The following RGL1 variants were observed in gnomAD, a reference collection of about 807,000 sequenced individuals.
RGL1 encodes ral guanine nucleotide dissociation stimulator-like 1.
In RGL1, 24 loss-of-function variants were observed where a neutral mutation model predicts 95.2. That is an observed-to-expected ratio of 0.25 (90% CI 0.18 to 0.35). The LOEUF (loss-of-function observed/expected upper bound fraction) is 0.35, where lower values mean the gene tolerates loss of function less well. Ranked by LOEUF, RGL1 falls within the 10% of genes least tolerant of loss-of-function variation. The probability of loss-of-function intolerance (pLI) is 1.00; values close to 1 mark genes in which losing one functional copy is unlikely to be tolerated. For missense variants in RGL1, 715 were observed against 936.3 expected, an observed-to-expected ratio of 0.76 and a Z score of 3.08; for synonymous variants, 329 against 344.9, an observed-to-expected ratio of 0.95 and a Z score of 0.51.
chr1:183,877,763 G>A (rs762754145), intron 4 of RGL1, among the ~76,000 whole-genome samples: 2 of 152,188 alleles, frequency 1.3e-5, no homozygotes, highest in Non-Finnish European at 2.9e-5. Context: ...GAAGGTCACT[G>A]TCACAAAGAG....
In RGL1 at chr1:183,829,544, A is replaced by G. The variant is rs1464951771; in HGVS notation, c.139-18022A>G. 3.3e-5 allele frequency among the ~76,000 whole-genome samples: 5 copies of G among 151,434 alleles called. No homozygotes were observed. The East Asian group carries it at 7.7e-4, about 23-fold the overall frequency. On this transcript the variant is annotated intron_variant, in intron 2 of 17. Transcript: ENST00000360851. Reference sequence around the variant, plus strand: ...TCTAAGTGAATCTTTTCTTTTTTTCATACAGTTCATTCTTCATGTAAACTC... The same window carrying G: ...TCTAAGTGAATCTTTTCTTTTTTTCGTACAGTTCATTCTTCATGTAAACTC...
chr1:183,913,894 A>C (rs1668809054), intron 15 of RGL1, among the ~76,000 whole-genome samples: 1 of 152,208 alleles, frequency 6.6e-6, no homozygotes, highest in African/African-American at 2.4e-5. Context: ...AATCCAGGGG[A>C]TACAATCATT....
intron 3 of RGL1, among the ~76,000 whole-genome samples, chr1:183,858,154 A>G (rs1192154781): frequency 2.6e-5 from 4 of 152,168 alleles, no homozygotes; most frequent in African/African-American, 9.7e-5. Flanking sequence ...AAAACTGACA[A>G]GAAACTGAAA....
chr1:183,722,306 A>T (rs1656056534), intron 1 of RGL1, among the ~76,000 whole-genome samples: 1 of 152,090 alleles, frequency 6.6e-6, no homozygotes, highest in African/African-American at 2.4e-5. Flanking sequence ...ACACAGAGAT[A>T]AAAAAGACCA....
chr1:183,892,135 T>C lies in RGL1; in HGVS notation c.1114T>C (p.Leu372=), dbSNP rs747876659. Reference sequence around the variant, plus strand: ...TATCTTCTCAGACCATAATAACCATTTGACCAGCCGAGAACTACTGATGAA... The same window carrying C: ...TATCTTCTCAGACCATAATAACCATCTGACCAGCCGAGAACTACTGATGAA... ...SDIFSDHNNH[L]TSRELLMKEG... is the part of the protein sequence containing the mutation. The change falls in exon 9 of 18, where the codon TTG becomes CTG. Residue 372 remains leucine, a synonymous_variant. Transcript: ENST00000360851. The C allele has an allele frequency of 5.6e-6, 9 of 1,612,646 alleles. No homozygotes were observed. In the South Asian group the frequency reaches 9.9e-5, roughly 18 times the overall value.
intron 2 of RGL1, among the ~76,000 whole-genome samples, chr1:183,774,406 T>G (rs1659475956): frequency 1.3e-5 from 2 of 152,168 alleles, no homozygotes; most frequent in African/African-American, 4.8e-5. Context: ...CGTTATAAAA[T>G]CTTGTCACAC....
At chr1:183,782,261 G>A (rs981064493) in intron 2 of RGL1, among the ~76,000 whole-genome samples, 2 of 152,130 alleles carry the variant, frequency 1.3e-5, no homozygotes, top group East Asian at 1.9e-4. Flanking sequence ...ACCCAGACAC[G>A]TGGTATTTTG....
intron 2 of RGL1, among the ~76,000 whole-genome samples, chr1:183,820,041 G>A (rs1488275375): frequency 2.6e-5 from 4 of 151,814 alleles, no homozygotes; most frequent in African/African-American, 4.8e-5. Context: ...CCCACCTTGG[G>A]CCCCTAAAGT....
intron 1 of RGL1, among the ~76,000 whole-genome samples, chr1:183,683,323 T>C (rs1442705910): frequency 6.6e-6 from 1 of 152,150 alleles, no homozygotes; most frequent in Non-Finnish European, 1.5e-5. Flanking sequence ...TTTCCATATT[T>C]AGTGCTTCCT....
chr1:183,769,233 C>CT (rs1315843220), intron 2 of RGL1, among the ~76,000 whole-genome samples: 1 of 152,202 alleles, frequency 6.6e-6, no homozygotes, highest in African/African-American at 2.4e-5. Context: ...GAAGACTCAG[C>CT]TATATTCATT....
intron 2 of RGL1, among the ~76,000 whole-genome samples, chr1:183,743,297 A>C (rs1486518045): frequency 6.6e-6 from 1 of 152,198 alleles, no homozygotes; most frequent in Non-Finnish European, 1.5e-5. Flanking sequence ...TACAGGTGTG[A>C]GTGACTGTGC....
chr1:183,701,152 T>G (rs931855383), intron 1 of RGL1, among the ~76,000 whole-genome samples: 2 of 152,228 alleles, frequency 1.3e-5, no homozygotes, highest in African/African-American at 4.8e-5. Flanking sequence ...AGATTTAGAT[T>G]GATCAATTGT....
chr1:183,800,024 G>C (rs1660903753), intron 2 of RGL1, among the ~76,000 whole-genome samples: 2 of 152,134 alleles, frequency 1.3e-5, no homozygotes, highest in South Asian at 4.1e-4. Context: ...AGACAAATGA[G>C]AAAAATAAGG....
In RGL1 at chr1:183,888,538, C is replaced by T; in HGVS notation, c.1016C>T (p.Ser339Phe). The T allele has an allele frequency of 1.2e-6, 2 of 1,613,316 alleles. No individual in the cohort carries two copies. Among genetic ancestry groups the T allele is most frequent in the Non-Finnish European group, 1.7e-6 (2 of 1,179,376 alleles). The change falls in exon 8 of 18, where the codon TCC becomes TTC. Residue 339 changes from serine (S) to phenylalanine (F), a missense_variant. This residue lies in a region of RGL1 where 381 missense variants were observed against 484.8 expected (regional missense o/e 0.79). Coordinates refer to ENST00000360851, the MANE Select transcript of RGL1 (RefSeq NM_001297671.3). The part of the protein sequence containing the change: ...RAIVSALQSN[S>F]IYRLKKTWAA... ...ATCGTTTCGGCACTGCAGTCTAATT[C>T]CATCTATCGGTTAAAAAAGACTTGG...
Position 183,707,216 on chromosome 1 carries a change from C to T in RGL1, c.-32-34910C>T, listed in dbSNP as rs891983631. Among the ~76,000 whole-genome samples, 8 of 152,030 alleles carry T rather than the reference C, an allele frequency of 5.3e-5. No homozygotes were observed. In the South Asian group the frequency reaches 6.2e-4, roughly 12 times the overall value. On this transcript the variant is annotated intron_variant, in intron 1 of 18. Coordinates refer to the RGL1 transcript ENST00000304685. ...CTTGGTGATGAATTGTATCAGCATG[C>T]GCCTGAGCTAGGGTCCAGATACGGT...
intron 1 of RGL1, among the ~76,000 whole-genome samples, chr1:183,708,103 G>A (rs958039163): frequency 3.9e-5 from 6 of 152,140 alleles, no homozygotes; most frequent in Non-Finnish European, 5.9e-5. Flanking sequence ...TATGTAATTC[G>A]TACTGTGGCC....
chr1:183,834,756 A>G (rs1383430119), intron 2 of RGL1, among the ~76,000 whole-genome samples: 1 of 152,070 alleles, frequency 6.6e-6, no homozygotes, highest in African/African-American at 2.4e-5. Context: ...TGGCACAATC[A>G]TAGCTCATTG....
chr1:183,805,265 T>G lies in RGL1; in HGVS notation c.-33T>G. ...GTTGGCCTCCGAGCAGGGCGCATCA[T>G]GCAGCGTTCGCGCACCGGAGAGAAA... On this transcript the variant is annotated 5_prime_UTR_variant, in exon 1 of 18. The change abolishes an upstream ATG in the 5' untranslated region. Transcript: ENST00000360851. 1.9e-6 allele frequency: 3 copies of G among 1,610,008 alleles called. No individual in the cohort carries two copies. The highest frequency in any genetic ancestry group is 2.5e-6 in the Non-Finnish European group (3 of 1,178,738).
intron 2 of RGL1, among the ~76,000 whole-genome samples, chr1:183,767,600 C>A (rs192746463): frequency 1.3e-5 from 2 of 152,264 alleles, no homozygotes; most frequent in East Asian, 1.9e-4. Flanking sequence ...CAAATCAGTG[C>A]AAGCATTTAG....
Sources: gnomAD v4.1 joint callset for allele counts (sites outside exome capture counted in the v4.1 genomes callset) on GRCh38, gnomAD v4.1.1 for gene constraint, gnomAD v4.1.1 regional missense constraint, MANE v1.5 for transcripts, NCBI Gene and HGNC (gene_info 2026-07-23, HGNC 2026-07-21) for gene names.